Variants in ANXA2 observed in about 807,000 individuals in gnomAD.
ANXA2 encodes the protein annexin II.
A neutral mutation model predicts 47.3 loss-of-function variants in ANXA2; 28 were observed. The observed-to-expected ratio is 0.59, with a 90% confidence interval of 0.44 to 0.81. The LOEUF is 0.81. ANXA2 is among the 40% of genes least tolerant of loss of function. The pLI is 0.00. For synonymous variants in ANXA2, 172 were observed against 155.5 expected, an observed-to-expected ratio of 1.11 and a Z score of -0.79; for missense variants, 384 against 414.3, an observed-to-expected ratio of 0.93 and a Z score of 0.64.
rs374714740 is a variant in ANXA2, at chr15:60,354,327, CG to C, written c.529-115del. ...ATTTAATTTCCTAAATAAGTAACCA[CG>C]TAAGATTTTTCTTACTTTGAAACAT... On this transcript the variant is annotated intron_variant, in intron 7 of 12. Coordinates refer to ENST00000451270, the MANE Select transcript of ANXA2 (RefSeq NM_004039.3). 1.6e-4 allele frequency: 137 copies of C among 878,210 alleles called. No individual in the cohort carries two copies. The African/African-American group carries it at 2.1e-3, about 13-fold the overall frequency. The allele number at this position is 878,210 out of a possible 1,614,324, so 54.4% of individuals were successfully genotyped here. A position where few individuals can be genotyped will look rare whatever the true frequency, so the allele number is the denominator to read the frequency against.
chr15:60,376,285 G>C (rs2062776641), intron 3 of ANXA2, among the ~76,000 whole-genome samples: 2 of 152,166 alleles, frequency 1.3e-5, no homozygotes, highest in South Asian at 2.1e-4. Flanking sequence ...GGGAGGCTGA[G>C]GTAGGAGAAT....
chr15:60,397,851 G>T, intron 1 of ANXA2, 92 bp downstream of exon 1: 2 of 1,387,770 alleles, frequency 1.4e-6, no homozygotes, highest in Non-Finnish European at 1.9e-6. Flanking sequence ...AGTTGCCGGG[G>T]CCTCCCTGCC....
intron 4 of ANXA2, among the ~76,000 whole-genome samples, chr15:60,363,554 T>C (rs1207518287): frequency 1.3e-5 from 2 of 152,166 alleles, no homozygotes; most frequent in South Asian, 2.1e-4. Flanking sequence ...AAGCTTTTAA[T>C]AGCAAGAAGT....
chr15:60,381,010 C>T (rs746509921), intron 3 of ANXA2, among the ~76,000 whole-genome samples: 3 of 151,878 alleles, frequency 2.0e-5, no homozygotes, highest in Non-Finnish European at 4.4e-5. Context: ...TACTCTACTT[C>T]CTGTCTCTGG....
rs138062240 is a variant in ANXA2 at position 60,392,672 on chromosome 15, A to G, written c.-12+5271T>C. 1.3e-4 allele frequency among the ~76,000 whole-genome samples: 20 copies of G among 152,384 alleles called. No homozygotes were observed. In the East Asian group the frequency reaches 3.9e-3, roughly 29 times the overall value. On this transcript the variant is annotated intron_variant, in intron 1 of 12. Coordinates refer to ENST00000451270, the MANE Select transcript of ANXA2 (RefSeq NM_004039.3). ...TCTGAACAAACAAAAACATACTGCA[A>G]CAGGGCTGGTCTGCACAGGCAAATC...
At chr15:60,390,168 A>C (rs764771944) in intron 1 of ANXA2, 9 of 691,820 alleles carry the variant, frequency 1.3e-5, no homozygotes, top group Non-Finnish European at 1.4e-5. Flanking sequence ...TGCAGAAAAA[A>C]AAAACAAAAC....
At chr15:60,349,734 G>A (rs1895901879) in intron 11 of ANXA2, among the ~76,000 whole-genome samples, 1 of 146,940 alleles carries the variant, frequency 6.8e-6, no homozygotes, top group African/African-American at 2.5e-5. Context: ...AAGACAGAGA[G>A]AGAGAGAGAA....
Position 60,382,441 on chromosome 15 carries a change from G to C in ANXA2, c.49C>G (p.His17Asp). ...ILCKLSLEGD[H>D]STPPSAYGSV... ...CCATATGCACTTGGGGGTGTAGAGT[G>C]CTGAGGTTAAAAGATAAACATACTC... is the stretch of plus-strand genomic sequence containing the variant. Residue 17 changes from histidine (H) to aspartate (D), a missense_variant and splice_region_variant, in exon 3 of 13, where the codon CAC (histidine) becomes GAC (aspartate). Coordinates refer to ENST00000451270, the MANE Select transcript of ANXA2 (RefSeq NM_004039.3). The C allele has an allele frequency of 6.2e-7, 1 of 1,607,190 alleles. No homozygotes were observed.
chr15:60,357,273 GCTTCC>G, intron 5 of ANXA2, 37 bp from the exon 6 acceptor site: 2 of 1,558,658 alleles, frequency 1.3e-6, no homozygotes, highest in Non-Finnish European at 1.8e-6. Context: ...GCAGGGAAAT[GCTTCC>G]CCACCATTAG....
intron 1 of ANXA2, among the ~76,000 whole-genome samples, chr15:60,397,592 C>G (rs964303956): frequency 2.0e-5 from 3 of 152,204 alleles, no homozygotes; most frequent in African/African-American, 7.2e-5. Flanking sequence ...CGCCCTGCCT[C>G]GGCGGCGCCT....
At chr15:60,396,328 A>G (rs2063079983) in intron 1 of ANXA2, 1 of 152,138 alleles carries the variant, frequency 6.6e-6, no homozygotes, top group Non-Finnish European at 1.5e-5. Context: ...CTCTAGCTGG[A>G]TGCAGGTCCG....
intron 1 of ANXA2, 94 bp downstream of exon 1, chr15:60,397,849 G>A (rs2063102675): frequency 2.2e-6 from 3 of 1,388,262 alleles, no homozygotes; most frequent in South Asian, 1.7e-5. Flanking sequence ...CCAGTTGCCG[G>A]GGCCTCCCTG....
At chr15:60,351,117 A>C in intron 11 of ANXA2, 76 bp downstream of exon 11, 1 of 1,488,990 alleles carries the variant, frequency 6.7e-7, no homozygotes, top group Non-Finnish European at 9.3e-7. Context: ...TCCATGAATC[A>C]AGGAGACTCA....
At chr15:60,359,302 C>T (rs1327318097) in intron 5 of ANXA2, among the ~76,000 whole-genome samples, 1 of 152,176 alleles carries the variant, frequency 6.6e-6, no homozygotes. Flanking sequence ...AGTAAAGCCA[C>T]TCGAATCACA....
intron 4 of ANXA2, among the ~76,000 whole-genome samples, chr15:60,364,207 T>C (rs1466517004): frequency 6.6e-6 from 1 of 152,244 alleles, no homozygotes; most frequent in East Asian, 1.9e-4. Context: ...ACACTCCTTA[T>C]GAGAACCTAA....
chr15:60,382,473 C>T (rs3759911), intron 2 of ANXA2, 32 bp from the exon 3 acceptor site: 376,663 of 1,442,284 alleles, frequency 0.26, 52,457 homozygotes, highest in Admixed American at 0.3. Context: ...ACTCAAATGA[C>T]ACACATTTAA....
At chr15:60,363,549 T>C (rs1272810956) in intron 4 of ANXA2, among the ~76,000 whole-genome samples, 3 of 152,116 alleles carry the variant, frequency 2.0e-5, no homozygotes, top group African/African-American at 7.2e-5. Context: ...ATCAAAAGCT[T>C]TTAATAGCAA....
chr15:60,361,908 T>C (rs1208744679), intron 4 of ANXA2, among the ~76,000 whole-genome samples: 1 of 149,026 alleles, frequency 6.7e-6, no homozygotes, highest in Non-Finnish European at 1.5e-5. Context: ...TCTTTTCGCT[T>C]TTTTTTTTTT....
At chr15:60,397,828 G>A (rs756195074) in intron 1 of ANXA2, 115 bp downstream of exon 1, 4 of 1,356,038 alleles carry the variant, frequency 2.9e-6, no homozygotes, top group Admixed American at 3.3e-5. Flanking sequence ...TGCCCCCGAC[G>A]GCCTCCGGGG....
Sources: allele counts gnomAD v4.1 joint callset (sites outside exome capture counted in the v4.1 genomes callset), GRCh38; gene constraint gnomAD v4.1.1; transcripts MANE v1.5; gene names NCBI Gene and HGNC (gene_info 2026-07-23, HGNC 2026-07-21).